The following B3GALT1 variants were observed in gnomAD, a reference collection of about 807,000 sequenced individuals.
B3GALT1 encodes beta-1,3-galactosyltransferase 1, also known as UDP-Gal:betaGlcNAc beta 1,3-galactosyltransferase, polypeptide 1.
B3GALT1 carries 10 observed loss-of-function variants against 23.2 expected under a neutral mutation model. That is an observed-to-expected ratio of 0.43 (90% confidence interval 0.27 to 0.73). The LOEUF is 0.73. B3GALT1 is among the 30% of genes least tolerant of loss of function. B3GALT1 has a pLI of 0.21. For synonymous variants in B3GALT1, 156 were observed against 141.5 expected (o/e 1.10, Z -0.73); for missense variants, 299 against 405.4 (o/e 0.74, Z 2.25).
intron 3 of B3GALT1, among the ~76,000 whole-genome samples, chr2:167,695,505 C>T (rs984459814): frequency 2.6e-5 from 4 of 152,132 alleles, no homozygotes; most frequent in African/African-American, 4.8e-5. Flanking sequence ...AATCTGTACT[C>T]CTCAGCCTTA....
chr2:167,866,513 CAAAT>C (rs201426041), intron 4 of B3GALT1, among the ~76,000 whole-genome samples: 9 of 152,212 alleles, frequency 5.9e-5, no homozygotes, highest in East Asian at 3.9e-4. Flanking sequence ...CATGGATTAA[CAAAT>C]GAATGAATAA....
intron 1 of B3GALT1, among the ~76,000 whole-genome samples, chr2:167,388,231 A>G (rs769377909): frequency 6.6e-6 from 1 of 152,210 alleles, no homozygotes; most frequent in Non-Finnish European, 1.5e-5. Flanking sequence ...TGTGTAATTC[A>G]CTGATGAGTG....
intron 1 of B3GALT1, among the ~76,000 whole-genome samples, chr2:167,417,091 TG>T (rs1015125744): frequency 6.6e-6 from 1 of 152,120 alleles, no homozygotes; most frequent in African/African-American, 2.4e-5. Flanking sequence ...ACATGCATTT[TG>T]GGAGGCCAGG....
At chr2:167,581,459 A>T (rs1346109853) in intron 2 of B3GALT1, among the ~76,000 whole-genome samples, 1 of 152,192 alleles carries the variant, frequency 6.6e-6, no homozygotes, top group Non-Finnish European at 1.5e-5. Context: ...GAACTTTTTA[A>T]TCCACTGTAA....
intron 1 of B3GALT1, among the ~76,000 whole-genome samples, chr2:167,380,378 A>G (rs536867529): frequency 3.9e-5 from 6 of 152,148 alleles, no homozygotes; most frequent in Non-Finnish European, 8.8e-5. Flanking sequence ...TAAAAGTCTC[A>G]TTGCCCAGGA....
chr2:167,546,738 C>T (rs1170267688), intron 2 of B3GALT1, among the ~76,000 whole-genome samples: 1 of 152,204 alleles, frequency 6.6e-6, no homozygotes, highest in East Asian at 1.9e-4. Flanking sequence ...CCCCTCTGCA[C>T]ATCCCCCTAT....
At chr2:167,777,744 T>G (rs1688185182) in intron 3 of B3GALT1, among the ~76,000 whole-genome samples, 2 of 152,182 alleles carry the variant, frequency 1.3e-5, no homozygotes, top group East Asian at 3.8e-4. Context: ...CGTGACATAT[T>G]TTTATCCTGA....
intron 2 of B3GALT1, among the ~76,000 whole-genome samples, chr2:167,491,981 C>T (rs1699716311): frequency 6.6e-6 from 1 of 152,114 alleles, no homozygotes; most frequent in Non-Finnish European, 1.5e-5. Flanking sequence ...TTGCTAGAGC[C>T]TTATAAACTA....
At chr2:167,835,328 C>G (rs979290342) in intron 4 of B3GALT1, among the ~76,000 whole-genome samples, 3 of 152,312 alleles carry the variant, frequency 2.0e-5, no homozygotes, top group Admixed American at 6.5e-5. Context: ...CACTCCCACC[C>G]GAATACTGTG....
chr2:167,567,432 G>A (rs941862810), intron 2 of B3GALT1, among the ~76,000 whole-genome samples: 1 of 152,066 alleles, frequency 6.6e-6, no homozygotes, highest in East Asian at 1.9e-4. Context: ...GGAAAAAAGG[G>A]ATCATTCTCA....
rs1699269083 is a variant in B3GALT1, at chr2:167,462,223, T to C, written c.-510-27954T>C. On this transcript the variant is annotated intron_variant, in intron 1 of 4. Coordinates refer to ENST00000392690, the MANE Select transcript of B3GALT1 (RefSeq NM_020981.4). ...TTTTAATATAATTAATTTAGAATTA[T>C]ATAATTGAATCTTTAATAATGGCCA... Among the ~76,000 whole-genome samples the C allele has an allele frequency of 2.0e-5, 3 of 152,162 alleles. No homozygotes were observed. In the South Asian group the frequency reaches 6.2e-4, roughly 31 times the overall value.
intron 3 of B3GALT1, among the ~76,000 whole-genome samples, chr2:167,740,074 G>A (rs554145625): frequency 6.6e-6 from 1 of 151,090 alleles, no homozygotes; most frequent in South Asian, 2.1e-4. Context: ...ACTCCAGCCT[G>A]GGCAACAGAG....
intron 1 of B3GALT1, among the ~76,000 whole-genome samples, chr2:167,297,693 T>TA (rs1411376974): frequency 6.6e-6 from 1 of 152,172 alleles, no homozygotes; most frequent in Non-Finnish European, 1.5e-5. Flanking sequence ...GTCTTTAGCT[T>TA]ACATCTCAGA....
chr2:167,857,035 T>G (rs1345712207), intron 4 of B3GALT1, among the ~76,000 whole-genome samples: 1 of 152,156 alleles, frequency 6.6e-6, no homozygotes, highest in Non-Finnish European at 1.5e-5. Context: ...AGAGATATTT[T>G]TAAGGGGAAA....
chr2:167,715,469 A>G (rs1574227558), intron 3 of B3GALT1: 1 of 1,607,074 alleles, frequency 6.2e-7, no homozygotes, highest in East Asian at 2.2e-5. Context: ...TTCTTCAGTC[A>G]TTGGAAGAAT....
intron 2 of B3GALT1, among the ~76,000 whole-genome samples, chr2:167,595,286 A>G (rs946135887): frequency 2.0e-5 from 3 of 152,162 alleles, no homozygotes; most frequent in Non-Finnish European, 4.4e-5. Context: ...TAATAGAGCA[A>G]AAATAGACAA....
In B3GALT1 at chr2:167,871,330, C is replaced by G. The variant is rs1690342475; in HGVS notation, c.*1310C>G. On this transcript the variant is annotated 3_prime_UTR_variant, in exon 5 of 5. Coordinates refer to ENST00000392690, the MANE Select transcript of B3GALT1 (RefSeq NM_020981.4). The stretch of plus-strand genomic sequence containing the variant: ...TTAGCTTAAAAGGTGCTACGTAATG[C>G]AATGTATCATGTATTATGCTAAATG... 1.3e-5 allele frequency: 2 copies of G among 152,164 alleles called. No homozygotes were observed. The highest frequency in any genetic ancestry group is 1.3e-4 in the Admixed American group (2 of 15,266). The allele number at this position is 152,164 out of a possible 1,614,324, so 9.4% of individuals were successfully genotyped here. A position where few individuals can be genotyped will look rare whatever the true frequency, so the allele number is the denominator to read the frequency against.
rs572623091 is a variant in B3GALT1 at position 167,486,472 on chromosome 2, C to T, written c.-510-3705C>T. Among the ~76,000 whole-genome samples, 7 of 151,750 alleles carry T rather than the reference C, an allele frequency of 4.6e-5. No individual in the cohort carries two copies. The South Asian group carries it at 1.0e-3, about 23-fold the overall frequency. ...GGCACAGTGGCTCATGCCTGCCCAG[C>T]GCTTTGGGAGGCTGAGGCAGGCAGA... On this transcript the variant is annotated intron_variant, in intron 1 of 4. Transcript: ENST00000392690.
intron 4 of B3GALT1, among the ~76,000 whole-genome samples, chr2:167,853,878 G>A (rs961870009): frequency 6.6e-6 from 1 of 152,168 alleles, no homozygotes; most frequent in Admixed American, 6.6e-5. Context: ...TGTTCCCTGA[G>A]AGAGATAATC....
Sources: allele counts gnomAD v4.1 joint callset (sites outside exome capture counted in the v4.1 genomes callset), GRCh38; gene constraint gnomAD v4.1.1; transcripts MANE v1.5; gene names NCBI Gene and HGNC (gene_info 2026-07-23, HGNC 2026-07-21).